LRRC7: variants seen among roughly 807,000 people sequenced by gnomAD.
LRRC7 encodes leucine rich repeat containing 7, also known as leucine-rich repeat-containing protein 7.
LRRC7 carries 23 observed loss-of-function variants against 175.7 expected under a neutral mutation model. The ratio of observed to expected loss-of-function variants is 0.13; its 90% confidence interval spans 0.09 to 0.19. The LOEUF is 0.19. LRRC7 is among the 10% of genes least tolerant of loss of function. LRRC7 has a pLI of 1.00. For synonymous variants in LRRC7, 685 were observed against 680.9 expected, an observed-to-expected ratio of 1.01 and a Z score of -0.09; for missense variants, 1,354 against 1,904.7, an observed-to-expected ratio of 0.71 and a Z score of 5.38.
chr1:69,605,921 A>G (rs2101011908), intron 1 of LRRC7, among the ~76,000 whole-genome samples: 1 of 152,270 alleles, frequency 6.6e-6, no homozygotes, highest in East Asian at 1.9e-4. Flanking sequence ...GACGTAAGGA[A>G]TGATTCTAAT....
At chr1:69,761,933 G>T (rs1312469007) in intron 3 of LRRC7, among the ~76,000 whole-genome samples, 1 of 151,904 alleles carries the variant, frequency 6.6e-6, no homozygotes, top group African/African-American at 2.4e-5. Context: ...AGGAAAATAG[G>T]CATGGGGGGT....
intron 22 of LRRC7, among the ~76,000 whole-genome samples, chr1:70,045,136 A>G (rs1480358990): frequency 6.6e-6 from 1 of 151,974 alleles, no homozygotes; most frequent in Non-Finnish European, 1.5e-5. Context: ...TCAAGAAGAC[A>G]TTTGTAGCCA....
At chr1:70,091,670 G>A (rs1055901729) in intron 25 of LRRC7, among the ~76,000 whole-genome samples, 1 of 152,150 alleles carries the variant, frequency 6.6e-6, no homozygotes, top group Non-Finnish European at 1.5e-5. Flanking sequence ...TGATGAATAT[G>A]AACACTTTAT....
intron 4 of LRRC7, among the ~76,000 whole-genome samples, chr1:69,798,873 G>A (rs575000610): frequency 1.6e-3 from 244 of 152,080 alleles, no homozygotes; most frequent in Non-Finnish European, 2.8e-3. Flanking sequence ...TCACACACAG[G>A]GTTACTAAAT....
Position 70,039,340 on chromosome 1 carries a change from T to C in LRRC7, c.3516T>C (p.Pro1172=). The C allele has an allele frequency of 1.2e-6, 2 of 1,614,012 alleles. No individual in the cohort carries two copies. The highest frequency in any genetic ancestry group is 4.5e-5 in the East Asian group (2 of 44,850). Residue 1172 remains proline (P), a synonymous_variant, in exon 21 of 27, where the codon CCT becomes CCC. Transcript: ENST00000651989. ...EMAMFRRVNE[P]HELPPTDRYG... is the part of the protein sequence containing the mutation. ...CCATGTTTAGAAGGGTCAATGAGCC[T>C]CATGAGCTGCCCCCAACTGATAGGT...
intron 1 of LRRC7, among the ~76,000 whole-genome samples, chr1:69,578,047 C>T (rs1047248278): frequency 6.6e-6 from 1 of 152,054 alleles, no homozygotes; most frequent in Non-Finnish European, 1.5e-5. Flanking sequence ...ACTCATCTGA[C>T]AAAGGGCTAA....
intron 2 of LRRC7, among the ~76,000 whole-genome samples, chr1:69,682,975 A>T (rs1316825059): frequency 1.3e-5 from 2 of 152,118 alleles, no homozygotes; most frequent in Non-Finnish European, 2.9e-5. Flanking sequence ...TTTTTCCTAT[A>T]ATCAGATGAC....
At chr1:69,970,217 AG>A (rs1223427177) in intron 8 of LRRC7, among the ~76,000 whole-genome samples, 1 of 152,130 alleles carries the variant, frequency 6.6e-6, no homozygotes, top group African/African-American at 2.4e-5. Context: ...TAACATCTCA[AG>A]GAACTAGAGA....
At chr1:69,818,046 G>C (rs1402181196) in intron 4 of LRRC7, among the ~76,000 whole-genome samples, 1 of 152,034 alleles carries the variant, frequency 6.6e-6, no homozygotes, top group Non-Finnish European at 1.5e-5. Context: ...TATATAAGAT[G>C]CTGGCATCCA....
intron 1 of LRRC7, among the ~76,000 whole-genome samples, chr1:69,675,105 AG>A (rs1346677452): frequency 6.6e-6 from 1 of 152,182 alleles, no homozygotes; most frequent in Admixed American, 6.6e-5. Flanking sequence ...GGTTAAGCCC[AG>A]GCATTCTGAT....
intron 8 of LRRC7, among the ~76,000 whole-genome samples, chr1:69,939,910 C>T (rs568473748): frequency 1.1e-3 from 167 of 152,184 alleles, no homozygotes; most frequent in African/African-American, 3.9e-3. Flanking sequence ...AGCAATCATT[C>T]CATAGTTAGC....
intron 5 of LRRC7, among the ~76,000 whole-genome samples, chr1:69,830,937 A>G (rs551214686): frequency 1.5e-4 from 23 of 151,934 alleles, no homozygotes; most frequent in Non-Finnish European, 2.7e-4. Context: ...AATGTGGTCA[A>G]TTCTTAAACT....
chr1:69,710,726 C>T (rs898066737), intron 2 of LRRC7, among the ~76,000 whole-genome samples: 28 of 152,076 alleles, frequency 1.8e-4, no homozygotes, highest in African/African-American at 6.0e-4. Context: ...GGCCCTCTTC[C>T]GGATTCCTAT....
intron 10 of LRRC7, among the ~76,000 whole-genome samples, chr1:69,990,249 AAATT>A (rs987905906): frequency 5.3e-5 from 8 of 152,070 alleles, no homozygotes; most frequent in Admixed American, 1.3e-4. Context: ...AATTTGGTAG[AAATT>A]AAGAAAGAAA....
intron 1 of LRRC7, among the ~76,000 whole-genome samples, chr1:69,633,328 G>T (rs1231247736): frequency 6.6e-6 from 1 of 151,886 alleles, no homozygotes; most frequent in Non-Finnish European, 1.5e-5. Flanking sequence ...TAATGATTAT[G>T]GAATAACTTT....
intron 8 of LRRC7, among the ~76,000 whole-genome samples, chr1:69,978,591 A>G (rs1379323559): frequency 6.6e-6 from 1 of 152,176 alleles, no homozygotes. Context: ...TCACAGCAGA[A>G]TGCCATGTCT....
chr1:69,620,014 T>G (rs1263296436), intron 1 of LRRC7, among the ~76,000 whole-genome samples: 2 of 152,220 alleles, frequency 1.3e-5, no homozygotes, highest in Non-Finnish European at 2.9e-5. Context: ...AATGAACTTT[T>G]GTGTCATATC....
At chr1:69,597,060 C>T (rs1316146854) in intron 1 of LRRC7, among the ~76,000 whole-genome samples, 1 of 152,138 alleles carries the variant, frequency 6.6e-6, no homozygotes, top group Non-Finnish European at 1.5e-5. Context: ...ATTCACTTTC[C>T]AAGTTTCCAT....
intron 8 of LRRC7, among the ~76,000 whole-genome samples, chr1:69,957,638 G>C (rs1650634320): frequency 6.6e-6 from 1 of 151,778 alleles, no homozygotes; most frequent in African/African-American, 2.4e-5. Flanking sequence ...CTGAACAGAA[G>C]TAGTCTTTTC....
Sources: gnomAD v4.1 joint callset for allele counts (sites outside exome capture counted in the v4.1 genomes callset) on GRCh38, gnomAD v4.1.1 for gene constraint, MANE v1.5 for transcripts, NCBI Gene and HGNC (gene_info 2026-07-23, HGNC 2026-07-21) for gene names.